The following CD163L1 variants were observed in gnomAD, a reference collection of about 807,000 sequenced individuals.
CD163L1 encodes CD163 molecule like 1, also known as scavenger receptor cysteine-rich type 1 protein M160.
CD163L1 carries 124 observed loss-of-function variants against 165.4 expected under a neutral mutation model. The ratio of observed to expected loss-of-function variants is 0.75; its 90% CI spans 0.65 to 0.87. CD163L1 has a LOEUF of 0.87. CD163L1 is among the 40% of genes least tolerant of loss of function. The probability of loss-of-function intolerance (pLI) is 0.00; values close to 1 mark genes in which losing one functional copy is unlikely to be tolerated. For synonymous variants in CD163L1, 585 were observed against 662.2 expected, an observed-to-expected ratio of 0.88 and a Z score of 1.79; for missense variants, 1,525 against 1,799.9, an observed-to-expected ratio of 0.85 and a Z score of 2.76.
the CD163L1 span, chr12:7,322,324 A>G: frequency 6.4e-7 from 1 of 1,554,412 alleles, no homozygotes; most frequent in Non-Finnish European, 8.9e-7. Flanking sequence ...TGCCTCTCCT[A>G]GCTGCTATGC....
At chr12:7,401,816 A>AT (rs556159087) in intron 6 of CD163L1, among the ~76,000 whole-genome samples, 43 of 149,446 alleles carry the variant, frequency 2.9e-4, no homozygotes, top group South Asian at 8.5e-4. Flanking sequence ...TTAAAAAATT[A>AT]TTTTTTTTTT....
the CD163L1 span, chr12:7,326,884 T>A: frequency 7.3e-7 from 1 of 1,365,054 alleles, no homozygotes; most frequent in East Asian, 2.6e-5. Context: ...CTGTTATTAA[T>A]AAATAGTAAG....
At chr12:7,399,713 T>G (rs1461990635) in intron 6 of CD163L1, among the ~76,000 whole-genome samples, 2 of 152,002 alleles carry the variant, frequency 1.3e-5, no homozygotes, top group Non-Finnish European at 2.9e-5. Context: ...TAAGTGATCC[T>G]CCCACCTCAG....
At chr12:7,345,470 G>A (rs1030261860), downstream of CD163L1, among the ~76,000 whole-genome samples, 7 of 152,176 alleles carry the variant, frequency 4.6e-5, no homozygotes, top group Non-Finnish European at 1.0e-4. Flanking sequence ...TCCCCAGCCT[G>A]GACTTCTCTG....
chr12:7,327,564 G>T, the CD163L1 span, among the ~76,000 whole-genome samples: 1 of 152,152 alleles, frequency 6.6e-6, no homozygotes, highest in East Asian at 1.9e-4. Flanking sequence ...TTCAAAGAAG[G>T]ATTTAAGAAC....
Position 7,374,355 on chromosome 12 carries a change from C to T in CD163L1, c.3409+87G>A, listed in dbSNP as rs1947207936. 5.0e-6 allele frequency: 7 copies of T among 1,412,806 alleles called. No homozygotes were observed. The highest frequency in any genetic ancestry group is 6.7e-6 in the Non-Finnish European group (7 of 1,045,346). The allele number at this position is 1,412,806 out of a possible 1,614,324, so 87.5% of individuals were successfully genotyped here. ...TTTGTTTGTATTCCTAGGCCATACA[C>T]TTTTCACTACACTTTACAATTGTGT... On this transcript the variant is annotated intron_variant, in intron 13 of 19. Coordinates refer to ENST00000313599, the MANE Select transcript of CD163L1 (RefSeq NM_174941.6). This position sits in a 1 kb window ranked among gnomAD's most constrained non-coding sequence, Gnocchi z 5.4.
intron 4 of CD163L1, among the ~76,000 whole-genome samples, chr12:7,411,360 T>C (rs908645071): frequency 6.6e-6 from 1 of 152,160 alleles, no homozygotes; most frequent in African/African-American, 2.4e-5. Flanking sequence ...ATGGTTTGGA[T>C]GTTTTGTCCC....
chr12:7,396,466 T>C (rs1387309926), intron 7 of CD163L1, 51 bp from the exon 8 acceptor site: 2 of 1,490,706 alleles, frequency 1.3e-6, no homozygotes, highest in Non-Finnish European at 1.8e-6. Flanking sequence ...TGGTTTATTT[T>C]ATATGTCAAC....
intron 2 of CD163L1, 147 bp downstream of exon 2, chr12:7,441,006 CA>C: frequency 3.6e-6 from 2 of 549,036 alleles, no homozygotes; most frequent in Admixed American, 2.9e-5. Flanking sequence ...ATAATTTGGA[CA>C]CCTTTATTTA....
chr12:7,375,737 A>T lies in CD163L1; in HGVS notation c.2649T>A (p.Thr883=). The T allele has an allele frequency of 6.2e-7, 1 of 1,614,242 alleles. No homozygotes were observed. The highest frequency in any genetic ancestry group is 8.5e-7 in the Non-Finnish European group (1 of 1,180,038). Residue 883 remains threonine, a synonymous_variant, in exon 10 of 20, where the codon ACT becomes ACA. Coordinates refer to ENST00000313599, the MANE Select transcript of CD163L1 (RefSeq NM_174941.6). The part of the protein sequence containing the change: ...LCPIVQHPED[T]CIHSREVGVV... Reference sequence around the variant, plus strand: ...CTCCAACTTCTCTGCTGTGGATACAAGTGTCTTCCGGATGTTGAACAATGG... The same window carrying T: ...CTCCAACTTCTCTGCTGTGGATACATGTGTCTTCCGGATGTTGAACAATGG...
intron 8 of CD163L1, among the ~76,000 whole-genome samples, chr12:7,383,215 T>C (rs750500462): frequency 6.6e-6 from 1 of 152,166 alleles, no homozygotes; most frequent in Non-Finnish European, 1.5e-5. Context: ...CCACTCACCA[T>C]AGTCTGTCCC....
At chr12:7,396,007 G>A in intron 8 of CD163L1, 88 bp downstream of exon 8, 3 of 1,043,502 alleles carry the variant, frequency 2.9e-6, no homozygotes, top group Non-Finnish European at 1.4e-6. Context: ...TGAGCACTCG[G>A]TCATAAATGT....
At chr12:7,439,725 A>G (rs985030199) in intron 2 of CD163L1, 9 of 1,610,744 alleles carry the variant, frequency 5.6e-6, no homozygotes, top group African/African-American at 1.3e-5. Context: ...GCTCCCAGGT[A>G]TCGTCATCCG....
chr12:7,436,956 G>C (rs1381465706), intron 2 of CD163L1, among the ~76,000 whole-genome samples: 1 of 150,862 alleles, frequency 6.6e-6, no homozygotes. Flanking sequence ...GGTATCATAA[G>C]TGATATGTGA....
intron 4 of CD163L1, among the ~76,000 whole-genome samples, chr12:7,418,003 A>C (rs1948280143): frequency 6.6e-6 from 1 of 151,884 alleles, no homozygotes; most frequent in African/African-American, 2.4e-5. Context: ...TGTAGAGGTA[A>C]AAATGGCAAA....
chr12:7,384,352 C>A (rs1947471811), intron 8 of CD163L1, among the ~76,000 whole-genome samples: 1 of 151,960 alleles, frequency 6.6e-6, no homozygotes, highest in African/African-American at 2.4e-5. Flanking sequence ...AAGAGATGGA[C>A]AATGGCATAG....
At chr12:7,325,444 C>G in the CD163L1 span, among the ~76,000 whole-genome samples, 1 of 152,130 alleles carries the variant, frequency 6.6e-6, no homozygotes, top group South Asian at 2.1e-4. Flanking sequence ...GTCAGGAGTT[C>G]GAGACCAGCC....
chr12:7,334,201 A>G, the CD163L1 span, among the ~76,000 whole-genome samples: 103 of 152,314 alleles, frequency 6.8e-4, no homozygotes, highest in South Asian at 1.2e-3. Context: ...AGAGAATTTT[A>G]GACCAATATC....
At chr12:7,409,285 G>A (rs1455959765) in intron 4 of CD163L1, among the ~76,000 whole-genome samples, 2 of 152,038 alleles carry the variant, frequency 1.3e-5, no homozygotes, top group African/African-American at 2.4e-5. Context: ...TGTAAAATCT[G>A]CCTAAATGTA....
Sources: gnomAD v4.1 joint callset for allele counts (sites outside exome capture counted in the v4.1 genomes callset) on GRCh38, gnomAD v4.1.1 for gene constraint, Gnocchi (gnomAD v3.1) non-coding constraint, MANE v1.5 for transcripts, NCBI Gene and HGNC (gene_info 2026-07-23, HGNC 2026-07-21) for gene names.